Variants in DERL1 observed in about 807,000 individuals in gnomAD.
DERL1 encodes derlin 1.
In DERL1, 24 loss-of-function variants were observed where a neutral mutation model predicts 41.6. The ratio of observed to expected loss-of-function variants is 0.58; its 90% confidence interval spans 0.42 to 0.81. The LOEUF is 0.81. DERL1 is among the 30% of genes least tolerant of loss of function. DERL1 has a pLI of 0.00. For synonymous variants in DERL1, 124 were observed against 112.5 expected (o/e 1.10, Z -0.65); for missense variants, 260 against 314.3 (o/e 0.83, Z 1.31).
intron 1 of DERL1, among the ~76,000 whole-genome samples, chr8:123,037,144 C>A (rs2130495195): frequency 6.6e-6 from 1 of 151,772 alleles, no homozygotes; most frequent in East Asian, 1.9e-4. Context: ...TAAAAATTGG[C>A]AACTATTTTT....
intron 1 of DERL1, among the ~76,000 whole-genome samples, chr8:123,036,460 A>T (rs1812931236): frequency 6.6e-6 from 1 of 152,242 alleles, no homozygotes; most frequent in Non-Finnish European, 1.5e-5. Context: ...CTTAGAGAGG[A>T]CAGTGACCAG....
intron 2 of DERL1, among the ~76,000 whole-genome samples, chr8:123,028,069 A>C (rs1812743520): frequency 6.6e-6 from 1 of 151,948 alleles, no homozygotes; most frequent in African/African-American, 2.4e-5. Context: ...ATCTCAAAAA[A>C]AAAAAAAAAA....
At chr8:123,017,293 T>G (rs1044078096) in intron 7 of DERL1, 1 of 152,226 alleles carries the variant, frequency 6.6e-6, no homozygotes, top group Admixed American at 6.5e-5. Flanking sequence ...AATACAGCTT[T>G]ACCATTAAAT....
intron 1 of DERL1, among the ~76,000 whole-genome samples, chr8:123,038,669 T>G (rs1384309301): frequency 6.6e-6 from 1 of 152,176 alleles, no homozygotes; most frequent in Non-Finnish European, 1.5e-5. Flanking sequence ...AAGTGAGGAT[T>G]TTGCTAACAG....
chr8:123,036,891 C>A lies in DERL1; in HGVS notation c.153+5079G>T, dbSNP rs16897907. Among the ~76,000 whole-genome samples, 995 of 152,246 alleles carry A rather than the reference C, an allele frequency of 6.5e-3. 5 individuals are homozygous for A. The highest frequency in any genetic ancestry group is 0.023 in the African/African-American group (960 of 41,528). ...CATCAGGTTAAATGTGATATATAAG[C>A]AAAAGCTTGGCAAATATAAGCACAA... On this transcript the variant is annotated intron_variant, in intron 1 of 7. Transcript: ENST00000259512.
At chr8:123,022,890 G>T in intron 4 of DERL1, 111 bp from the exon 5 acceptor site, 1 of 739,342 alleles carries the variant, frequency 1.4e-6, no homozygotes, top group Non-Finnish European at 2.4e-6. Context: ...CCTGGGTAAA[G>T]GGAAACTCAA....
chr8:123,021,636 A>G, intron 5 of DERL1, 137 bp from the exon 6 acceptor site: 1 of 746,626 alleles, frequency 1.3e-6, no homozygotes. Flanking sequence ...CAAAATTTCT[A>G]GGATCAATCT....
At chr8:123,017,191 AAATGG>A (rs1814600249) in intron 7 of DERL1, 1 of 152,308 alleles carries the variant, frequency 6.6e-6, no homozygotes, top group African/African-American at 2.4e-5. Flanking sequence ...TAACTACTCT[AAATGG>A]AATGGAAAAT....
chr8:123,022,312 G>T (rs2130464581), intron 5 of DERL1, among the ~76,000 whole-genome samples: 1 of 152,232 alleles, frequency 6.6e-6, no homozygotes, highest in East Asian at 1.9e-4. Flanking sequence ...AGTGTTTGGG[G>T]GCAAAAACAA....
At position 123,025,025 on chromosome 8, in the gene DERL1, G is replaced by A; in HGVS notation, c.291C>T (p.Asp97=). Residue 97 remains aspartate (D), a synonymous_variant, in exon 3 of 8, where the codon GAC becomes GAT. Coordinates refer to ENST00000259512, the MANE Select transcript of DERL1 (RefSeq NM_024295.6). Reference sequence around the variant, plus strand: ...AGTTAAAGAGGAGCATGAATAAATAGTCTGCTGGCCTCCCATCAAAAGCTC... The same window carrying A: ...AGTTAAAGAGGAGCATGAATAAATAATCTGCTGGCCTCCCATCAAAAGCTC... ...ETGAFDGRPA[D]YLFMLLFNWI... is the part of the protein sequence containing the mutation. The A allele has an allele frequency of 6.2e-7, 1 of 1,613,826 alleles. No homozygotes were observed. The highest frequency in any genetic ancestry group is 8.5e-7 in the Non-Finnish European group (1 of 1,179,912).
chr8:123,025,169 A>G (rs1311808869), intron 2 of DERL1, 119 bp from the exon 3 acceptor site: 2 of 1,013,506 alleles, frequency 2.0e-6, no homozygotes, highest in African/African-American at 1.7e-5. Flanking sequence ...TTTAAAAACC[A>G]CTCCTCTCTA....
intron 1 of DERL1, among the ~76,000 whole-genome samples, chr8:123,038,250 G>C (rs889601030): frequency 6.6e-6 from 1 of 152,170 alleles, no homozygotes; most frequent in African/African-American, 2.4e-5. Flanking sequence ...AGGAAAAAAG[G>C]AACTTTCTAG....
intron 3 of DERL1, 115 bp downstream of exon 3, chr8:123,024,871 A>C: frequency 9.8e-7 from 1 of 1,019,660 alleles, no homozygotes; most frequent in South Asian, 1.8e-5. Context: ...TATTAACGGT[A>C]GTCAACCAAG....
intron 5 of DERL1, among the ~76,000 whole-genome samples, chr8:123,021,994 T>C (rs1003466443): frequency 1.3e-5 from 2 of 152,150 alleles, no homozygotes; most frequent in Non-Finnish European, 2.9e-5. Context: ...ATAAGAAAGC[T>C]CTCCAGATGA....
intron 1 of DERL1, among the ~76,000 whole-genome samples, chr8:123,038,637 G>A (rs577426821): frequency 6.6e-6 from 1 of 152,268 alleles, no homozygotes; most frequent in South Asian, 2.1e-4. Flanking sequence ...TTTACATCGT[G>A]TAGTCACTAG....
intron 1 of DERL1, among the ~76,000 whole-genome samples, chr8:123,031,599 C>T (rs1386145003): frequency 6.6e-6 from 1 of 151,952 alleles, no homozygotes; most frequent in Non-Finnish European, 1.5e-5. Context: ...AACAAGTAAG[C>T]CTCATTCCCA....
chr8:123,020,300 C>T (rs571715585), intron 6 of DERL1, among the ~76,000 whole-genome samples: 10 of 151,702 alleles, frequency 6.6e-5, no homozygotes, highest in South Asian at 6.3e-4. Flanking sequence ...GGCAACACAG[C>T]GAAACCTCAT....
chr8:123,029,193 T>C (rs947425716), intron 2 of DERL1, among the ~76,000 whole-genome samples: 1 of 152,186 alleles, frequency 6.6e-6, no homozygotes, highest in Admixed American at 6.5e-5. Context: ...TCACATATTC[T>C]GGTAGATTTA....
At chr8:123,021,583 T>C (rs1812541620) in intron 5 of DERL1, 84 bp from the exon 6 acceptor site, 10 of 1,230,556 alleles carry the variant, frequency 8.1e-6, no homozygotes, top group Non-Finnish European at 1.1e-5. Context: ...TGGGTAAGGA[T>C]ACACTGACAA....
Sources: gnomAD v4.1 joint callset for allele counts (sites outside exome capture counted in the v4.1 genomes callset) on GRCh38, gnomAD v4.1.1 for gene constraint, MANE v1.5 for transcripts, NCBI Gene and HGNC (gene_info 2026-07-23, HGNC 2026-07-21) for gene names.